The following CDH18 variants were observed in gnomAD, a reference collection of about 807,000 sequenced individuals.
The protein encoded by CDH18 is cadherin 18, also known as cadherin-18.
Under a neutral mutation model 67.9 loss-of-function variants are expected in CDH18, and 31 were observed. The ratio of observed to expected loss-of-function variants is 0.46; its 90% CI spans 0.34 to 0.62. CDH18 has a LOEUF of 0.62. Ranked by LOEUF, CDH18 falls within the 20% of genes least tolerant of loss-of-function variation. The pLI, the probability that CDH18 is intolerant of heterozygous loss-of-function variation, is 0.01. For missense variants in CDH18, 890 were observed against 975.5 expected (o/e 0.91, Z 1.17); for synonymous variants, 362 against 347.2 (o/e 1.04, Z -0.48).
At chr5:20,271,025 T>G (rs762346270) in intron 1 of CDH18, among the ~76,000 whole-genome samples, 1 of 152,000 alleles carries the variant, frequency 6.6e-6, no homozygotes, top group Non-Finnish European at 1.5e-5. Context: ...GAGAGATAAC[T>G]AAATGGGTAC....
intron 1 of CDH18, among the ~76,000 whole-genome samples, chr5:20,363,610 A>G (rs1365371686): frequency 6.6e-6 from 1 of 150,638 alleles, no homozygotes; most frequent in Non-Finnish European, 1.5e-5. Context: ...TTTCATATTT[A>G]TGTATACAGT....
intron 2 of CDH18, among the ~76,000 whole-genome samples, chr5:20,179,489 C>T (rs571550964): frequency 1.3e-5 from 2 of 152,186 alleles, no homozygotes; most frequent in African/African-American, 2.4e-5. Context: ...AGCTTACAAA[C>T]GGAAAAGCAA....
Position 20,436,892 on chromosome 5 carries a change from C to G in CDH18, c.-580+138570G>C, listed in dbSNP as rs188487089. Reference sequence around the variant, plus strand: ...CAGCAATTCATCATAAATTATTATTCTATGAGGAACATTTAGATTTGAGTT... The same window carrying G: ...CAGCAATTCATCATAAATTATTATTGTATGAGGAACATTTAGATTTGAGTT... On this transcript the variant is annotated intron_variant, in intron 1 of 14. Coordinates refer to the CDH18 transcript ENST00000507958. Among the ~76,000 whole-genome samples, 369 of 150,870 alleles carry G rather than the reference C, an allele frequency of 2.4e-3. 2 individuals are homozygous for G. The highest frequency in any genetic ancestry group is 8.5e-3 in the African/African-American group (351 of 41,296).
intron 2 of CDH18, among the ~76,000 whole-genome samples, chr5:20,157,719 T>C (rs1751644441): frequency 6.6e-6 from 1 of 151,850 alleles, no homozygotes; most frequent in Non-Finnish European, 1.5e-5. Context: ...CTTGGCTCAC[T>C]GCAGTCTCTG....
At chr5:20,080,752 T>C (rs909737654) in intron 2 of CDH18, among the ~76,000 whole-genome samples, 3 of 151,898 alleles carry the variant, frequency 2.0e-5, no homozygotes, top group Admixed American at 2.0e-4. Context: ...GGGGAAATAA[T>C]GTAAATGAAG....
chr5:19,895,247 A>C (rs1009908220), intron 2 of CDH18, among the ~76,000 whole-genome samples: 1 of 152,178 alleles, frequency 6.6e-6, no homozygotes, highest in African/African-American at 2.4e-5. Context: ...TTTTGATGGA[A>C]TGTCTTGCAA....
intron 1 of CDH18, among the ~76,000 whole-genome samples, chr5:20,359,142 G>A (rs1741882256): frequency 6.6e-6 from 1 of 151,808 alleles, no homozygotes; most frequent in African/African-American, 2.4e-5. Flanking sequence ...TGTTGGTCAG[G>A]CTGGTCTCAA....
At chr5:19,885,739 C>T (rs1489320172) in intron 2 of CDH18, among the ~76,000 whole-genome samples, 4 of 152,010 alleles carry the variant, frequency 2.6e-5, no homozygotes, top group African/African-American at 9.7e-5. Flanking sequence ...TCTTTATTTG[C>T]AAAAATGTAA....
At chr5:19,848,816 G>T (rs114430031) in intron 2 of CDH18, among the ~76,000 whole-genome samples, 1,920 of 150,328 alleles carry the variant, frequency 0.013, 37 homozygotes, top group African/African-American at 0.044. Flanking sequence ...CATATAAAAT[G>T]CTATATATAT....
At chr5:20,081,669 TA>T (rs1452975291) in intron 2 of CDH18, among the ~76,000 whole-genome samples, 1 of 152,118 alleles carries the variant, frequency 6.6e-6, no homozygotes, top group Non-Finnish European at 1.5e-5. Context: ...TAGAGGCTAT[TA>T]TGCTAACGAT....
chr5:20,464,312 T>G (rs566732441), intron 1 of CDH18, among the ~76,000 whole-genome samples: 22 of 152,324 alleles, frequency 1.4e-4, no homozygotes, highest in African/African-American at 4.8e-4. Context: ...TACATGACAG[T>G]TGCATATGAG....
chr5:20,240,761 C>G (rs1451118960), intron 2 of CDH18, among the ~76,000 whole-genome samples: 2 of 152,156 alleles, frequency 1.3e-5, no homozygotes, highest in Non-Finnish European at 2.9e-5. Flanking sequence ...GATGTATAAT[C>G]TATTAAAGGC....
In CDH18 at chr5:20,420,655, G is replaced by A. The variant is rs930057639; in HGVS notation, c.-580+154807C>T. ...ATAAGGTCTTTTGTATTTTGCCCTA[G>A]TCCTAACCATAAACTAAAACCAAAA... On this transcript the variant is annotated intron_variant, in intron 1 of 14. Coordinates refer to the CDH18 transcript ENST00000507958. Among the ~76,000 whole-genome samples the A allele has an allele frequency of 6.6e-5, 10 of 151,030 alleles. 1 individual carries two copies. Among genetic ancestry groups the A allele is most frequent in the African/African-American group, 1.7e-4 (7 of 40,432 alleles).
chr5:19,576,780 C>T (rs952135816), intron 7 of CDH18, among the ~76,000 whole-genome samples: 1 of 152,104 alleles, frequency 6.6e-6, no homozygotes, highest in African/African-American at 2.4e-5. Flanking sequence ...AAAGACATGG[C>T]TGCACCCTTA....
chr5:20,495,091 T>C (rs1753827468), intron 1 of CDH18, among the ~76,000 whole-genome samples: 1 of 152,126 alleles, frequency 6.6e-6, no homozygotes. Flanking sequence ...ATTGTACCTT[T>C]CTCATTTCTC....
chr5:20,370,522 T>G (rs1742892435), intron 1 of CDH18, among the ~76,000 whole-genome samples: 1 of 152,142 alleles, frequency 6.6e-6, no homozygotes, highest in Non-Finnish European at 1.5e-5. Context: ...TATAAAATAA[T>G]TGAAGGATTA....
chr5:20,305,437 G>C (rs1418326748), intron 1 of CDH18: 1 of 1,521,732 alleles, frequency 6.6e-7, no homozygotes. Flanking sequence ...TTCCTTCTCG[G>C]CTTTTGGCCA....
intron 3 of CDH18, among the ~76,000 whole-genome samples, chr5:19,807,042 C>T (rs1778116608): frequency 6.6e-6 from 1 of 152,174 alleles, no homozygotes; most frequent in Non-Finnish European, 1.5e-5. Context: ...ACAATGTTAA[C>T]ACAATGGTGT....
chr5:20,457,436 C>A lies in CDH18; in HGVS notation c.-580+118026G>T, dbSNP rs181346752. Among the ~76,000 whole-genome samples, 45 of 152,050 alleles carry A rather than the reference C, an allele frequency of 3.0e-4. 1 individual carries two copies. Among genetic ancestry groups the A allele is most frequent in the African/African-American group, 1.1e-3 (44 of 41,474 alleles). On this transcript the variant is annotated intron_variant, in intron 1 of 14. Transcript: ENST00000507958. The stretch of plus-strand genomic sequence containing the variant: ...CCAAAAACTTGTAAGTGGATGGTAC[C>A]GATGATGTCCTCATTTTACAGATGA...
Sources: gnomAD v4.1 joint callset for allele counts (sites outside exome capture counted in the v4.1 genomes callset) on GRCh38, gnomAD v4.1.1 for gene constraint, MANE v1.5 for transcripts, NCBI Gene and HGNC (gene_info 2026-07-23, HGNC 2026-07-21) for gene names.